Variants in TAFA2 observed in about 807,000 individuals in gnomAD.
The protein encoded by TAFA2 is TAFA chemokine like family member 2.
A neutral mutation model predicts 18.8 loss-of-function variants in TAFA2; 7 were observed. That is an observed-to-expected ratio of 0.37 (90% CI 0.21 to 0.70). The LOEUF is 0.70. Among genes scored for constraint, TAFA2 ranks in the 30% least tolerant of loss-of-function variants. The probability of loss-of-function intolerance (pLI) is 0.53; values close to 1 mark genes in which losing one functional copy is unlikely to be tolerated. For synonymous variants in TAFA2, 60 were observed against 54.2 expected, an observed-to-expected ratio of 1.11 and a Z score of -0.47; for missense variants, 122 against 158.1, an observed-to-expected ratio of 0.77 and a Z score of 1.23.
intron 1 of TAFA2, among the ~76,000 whole-genome samples, chr12:62,222,112 G>A (rs1358644871): frequency 6.6e-6 from 1 of 152,160 alleles, no homozygotes; most frequent in Non-Finnish European, 1.5e-5. Flanking sequence ...TGATAGAGGG[G>A]TGAAGAGAGA....
intron 1 of TAFA2, among the ~76,000 whole-genome samples, chr12:62,155,106 A>G (rs112285870): frequency 0.13 from 20,024 of 152,242 alleles, 1,469 homozygotes; most frequent in South Asian, 0.15. Context: ...GTTTCCAGAT[A>G]CAAGATTAAT....
intron 1 of TAFA2, among the ~76,000 whole-genome samples, chr12:62,083,342 A>G (rs1868352151): frequency 6.6e-6 from 1 of 152,008 alleles, no homozygotes; most frequent in South Asian, 2.1e-4. Context: ...CCTCCCTGCT[A>G]TTACAAGAGT....
chr12:62,083,035 T>G (rs937869314), intron 1 of TAFA2, among the ~76,000 whole-genome samples: 1 of 152,232 alleles, frequency 6.6e-6, no homozygotes, highest in South Asian at 2.1e-4. Context: ...ACACAGCCAG[T>G]AAAAGCCAAG....
intron 1 of TAFA2, among the ~76,000 whole-genome samples, chr12:61,981,881 G>A (rs1392794144): frequency 6.6e-6 from 1 of 151,940 alleles, no homozygotes; most frequent in Non-Finnish European, 1.5e-5. Flanking sequence ...AGAGAGTGTG[G>A]CTATTCCTCA....
At position 62,147,322 on chromosome 12, in the gene TAFA2, GTATGTATATATATATA is replaced by G. The variant is rs1289209066; in HGVS notation, c.-2+43921_-2+43936del. On this transcript the variant is annotated intron_variant, in intron 1 of 4. Transcript: ENST00000416284. ...TGTATGCATGTGTGTGTGTGTGTAT[GTATGTATATATATATA>G]TATATATATATATATATATATATAT... Among the ~76,000 whole-genome samples, 398 of 49,378 alleles carry G rather than the reference GTATGTATATATATATA, an allele frequency of 8.1e-3. 8 individuals carry two copies. Among genetic ancestry groups the G allele is most frequent in the Non-Finnish European group, 0.013 (325 of 25,810 alleles). 32.4% of individuals were successfully genotyped at this position (49,378 alleles called of 152,430 possible).
chr12:62,121,638 T>C (rs1318520792), intron 1 of TAFA2, among the ~76,000 whole-genome samples: 1 of 152,218 alleles, frequency 6.6e-6, no homozygotes, highest in Non-Finnish European at 1.5e-5. Flanking sequence ...GTTTCAACTA[T>C]GCTAAGGATA....
chr12:62,252,775 G>A (rs11174399), intron 1 of TAFA2: 34,386 of 152,048 alleles, frequency 0.23, 4,227 homozygotes, highest in African/African-American at 0.33. Flanking sequence ...ACATGGTCAC[G>A]TGCTCACTAC....
At chr12:62,210,925 G>A (rs1255545330) in intron 1 of TAFA2, among the ~76,000 whole-genome samples, 1 of 149,698 alleles carries the variant, frequency 6.7e-6, no homozygotes, top group South Asian at 2.1e-4. Flanking sequence ...TACACCCCCC[G>A]CCCCCCAAAA....
chr12:61,714,661 T>A (rs776505578), intron 4 of TAFA2, among the ~76,000 whole-genome samples: 28 of 152,328 alleles, frequency 1.8e-4, no homozygotes, highest in Non-Finnish European at 2.2e-4. Context: ...ACTCAATTAT[T>A]TATACAGTTT....
intron 1 of TAFA2, among the ~76,000 whole-genome samples, chr12:62,055,361 G>A (rs557337881): frequency 6.6e-6 from 1 of 152,166 alleles, no homozygotes; most frequent in Admixed American, 6.5e-5. Flanking sequence ...ATAAACCCCT[G>A]AAATAGAAAA....
intron 2 of TAFA2, among the ~76,000 whole-genome samples, chr12:61,845,078 A>G (rs1170668980): frequency 1.3e-5 from 2 of 152,130 alleles, no homozygotes; most frequent in South Asian, 2.1e-4. Context: ...TTAGCAGAGA[A>G]CAAACAACAA....
intron 4 of TAFA2, among the ~76,000 whole-genome samples, chr12:61,733,847 T>C (rs1868260328): frequency 6.6e-6 from 1 of 151,612 alleles, no homozygotes; most frequent in Non-Finnish European, 1.5e-5. Context: ...GCATTGAATC[T>C]ATAAATTACC....
chr12:62,169,374 C>T (rs1385674716), intron 1 of TAFA2, among the ~76,000 whole-genome samples: 1 of 152,106 alleles, frequency 6.6e-6, no homozygotes, highest in African/African-American at 2.4e-5. Context: ...CAAAAGCACC[C>T]CTACAGATAA....
At chr12:62,168,523 AG>A (rs775217214) in intron 1 of TAFA2, among the ~76,000 whole-genome samples, 126 of 152,260 alleles carry the variant, frequency 8.3e-4, no homozygotes, top group Middle Eastern at 3.4e-3. Context: ...AAAAGATATG[AG>A]GGGGAAGTAC....
chr12:62,223,478 T>C (rs906768661), intron 1 of TAFA2, among the ~76,000 whole-genome samples: 7 of 152,162 alleles, frequency 4.6e-5, no homozygotes, highest in African/African-American at 1.4e-4. Context: ...GACCATTCAA[T>C]TCAGATAGGA....
intron 1 of TAFA2, among the ~76,000 whole-genome samples, chr12:62,160,603 C>G (rs1186452745): frequency 6.6e-6 from 1 of 152,188 alleles, no homozygotes; most frequent in African/African-American, 2.4e-5. Flanking sequence ...GGCCCCAAGT[C>G]ATGCAAAGTC....
chr12:61,918,999 T>G (rs534350493), intron 1 of TAFA2, among the ~76,000 whole-genome samples: 1 of 152,366 alleles, frequency 6.6e-6, no homozygotes, highest in South Asian at 2.1e-4. Flanking sequence ...CTCTTTGGGT[T>G]GTTGCAAGGA....
At chr12:62,026,910 T>C (rs994745022) in intron 1 of TAFA2, among the ~76,000 whole-genome samples, 5 of 152,134 alleles carry the variant, frequency 3.3e-5, no homozygotes, top group Non-Finnish European at 5.9e-5. Flanking sequence ...ATTATAGGCC[T>C]AACTTATTTG....
chr12:62,095,480 G>A (rs1223952719), intron 1 of TAFA2, among the ~76,000 whole-genome samples: 1 of 152,106 alleles, frequency 6.6e-6, no homozygotes, highest in East Asian at 1.9e-4. Flanking sequence ...AGATGGCATA[G>A]CAATGAATAA....
Sources: gnomAD v4.1 joint callset for allele counts (sites outside exome capture counted in the v4.1 genomes callset) on GRCh38, gnomAD v4.1.1 for gene constraint, MANE v1.5 for transcripts, NCBI Gene and HGNC (gene_info 2026-07-23, HGNC 2026-07-21) for gene names.